Variants in PIBF1 observed in about 807,000 individuals in gnomAD.
PIBF1 encodes progesterone immunomodulatory binding factor 1, also known as progesterone-induced-blocking factor 1.
Under a neutral mutation model 112.5 loss-of-function variants are expected in PIBF1, and 90 were observed. The ratio of observed to expected loss-of-function variants is 0.80; its 90% CI spans 0.67 to 0.95. PIBF1 has a LOEUF of 0.95. Ranked by LOEUF, PIBF1 falls within the 40% of genes least tolerant of loss-of-function variation. The pLI is 0.00. For missense variants in PIBF1, 915 were observed against 852.3 expected, an observed-to-expected ratio of 1.07 and a Z score of -0.92; for synonymous variants, 301 against 288.6, an observed-to-expected ratio of 1.04 and a Z score of -0.44.
chr13:72,946,838 C>T (rs1424352725), intron 14 of PIBF1, among the ~76,000 whole-genome samples: 2 of 152,232 alleles, frequency 1.3e-5, no homozygotes, highest in Non-Finnish European at 1.5e-5. Context: ...GGCAGCTCTG[C>T]CCTTGTGGCT....
intron 15 of PIBF1, among the ~76,000 whole-genome samples, chr13:72,971,765 C>T (rs2042897983): frequency 6.6e-6 from 1 of 151,986 alleles, no homozygotes; most frequent in Non-Finnish European, 1.5e-5. Context: ...TGCTTTACAG[C>T]ACACATTTGA....
chr13:72,928,770 A>G (rs1194023941), intron 13 of PIBF1, among the ~76,000 whole-genome samples: 1 of 152,176 alleles, frequency 6.6e-6, no homozygotes, highest in Non-Finnish European at 1.5e-5. Context: ...TTTATGACTT[A>G]TGATATTTTT....
intron 3 of PIBF1, among the ~76,000 whole-genome samples, chr13:72,793,214 A>T (rs1023247599): frequency 6.6e-6 from 1 of 152,224 alleles, no homozygotes; most frequent in Non-Finnish European, 1.5e-5. Context: ...ATACCTCTGT[A>T]TTCAAAATAT....
intron 17 of PIBF1, among the ~76,000 whole-genome samples, chr13:73,003,202 A>T (rs1403786743): frequency 6.6e-6 from 1 of 152,028 alleles, no homozygotes; most frequent in Admixed American, 6.6e-5. Context: ...TATGAACGAC[A>T]TGATTCCCTA....
At chr13:72,970,741 G>C (rs369633657) in intron 15 of PIBF1, 1 of 152,076 alleles carries the variant, frequency 6.6e-6, no homozygotes, top group South Asian at 2.1e-4. Flanking sequence ...TATGTCTTAT[G>C]AAGACTAAAA....
chr13:72,924,215 G>A (rs2041401539), intron 13 of PIBF1, among the ~76,000 whole-genome samples: 1 of 152,130 alleles, frequency 6.6e-6, no homozygotes, highest in Non-Finnish European at 1.5e-5. Context: ...TAGAAGTGGT[G>A]AATTGGTATC....
At chr13:72,870,426 G>T (rs560112946) in intron 10 of PIBF1, among the ~76,000 whole-genome samples, 1 of 152,136 alleles carries the variant, frequency 6.6e-6, no homozygotes, top group Non-Finnish European at 1.5e-5. Flanking sequence ...AAATATGTAC[G>T]TGTGCTCAGA....
rs574556802 is a variant in PIBF1 at position 72,989,842 on chromosome 13, G to A, written c.2050-8980G>A. Among the ~76,000 whole-genome samples the A allele has an allele frequency of 5.3e-5, 8 of 152,194 alleles. No individual in the cohort carries two copies. The East Asian group carries it at 5.8e-4, about 11-fold the overall frequency. Reference sequence around the variant, plus strand: ...ACAAAATGTTGATAATTGAAGTTGCGCAGTGGAAAGTGGGGACTCAGTATT... The same window carrying A: ...ACAAAATGTTGATAATTGAAGTTGCACAGTGGAAAGTGGGGACTCAGTATT... On this transcript the variant is annotated intron_variant, in intron 16 of 17. Coordinates refer to ENST00000326291, the MANE Select transcript of PIBF1 (RefSeq NM_006346.4).
chr13:72,926,871 G>A (rs1324090082), intron 13 of PIBF1, among the ~76,000 whole-genome samples: 2 of 152,074 alleles, frequency 1.3e-5, no homozygotes, highest in Non-Finnish European at 2.9e-5. Flanking sequence ...GTCTTCCTCA[G>A]TAGACTATTA....
At chr13:72,909,112 T>C (rs997091645) in intron 12 of PIBF1, among the ~76,000 whole-genome samples, 5 of 152,210 alleles carry the variant, frequency 3.3e-5, no homozygotes. Flanking sequence ...TTGGTGACTA[T>C]TTCTAAATAA....
intron 11 of PIBF1, among the ~76,000 whole-genome samples, chr13:72,898,706 G>A (rs9573056): frequency 0.27 from 40,955 of 149,904 alleles, 6,673 homozygotes; most frequent in East Asian, 0.47. Flanking sequence ...AAATAAAGCC[G>A]GGCATGTGGC....
chr13:72,922,741 A>G (rs189920747), intron 13 of PIBF1, among the ~76,000 whole-genome samples: 3 of 152,070 alleles, frequency 2.0e-5, no homozygotes, highest in Non-Finnish European at 1.5e-5. Flanking sequence ...CTTTATTCTC[A>G]TATATATGAG....
chr13:72,936,104 T>G (rs1197088874), intron 14 of PIBF1, among the ~76,000 whole-genome samples: 1 of 152,068 alleles, frequency 6.6e-6, no homozygotes. Context: ...CATAGCTCAT[T>G]GCAGCCTCGA....
intron 10 of PIBF1, among the ~76,000 whole-genome samples, chr13:72,865,598 T>C (rs1020488274): frequency 3.3e-5 from 5 of 152,212 alleles, no homozygotes; most frequent in African/African-American, 1.2e-4. Context: ...CATAAAAATT[T>C]AGTTTGAAAA....
intron 16 of PIBF1, among the ~76,000 whole-genome samples, chr13:72,990,520 C>CAAATAAATTAAT (rs1204552369): frequency 7.4e-6 from 1 of 135,872 alleles, no homozygotes. Context: ...GACTCCATCT[C>CAAATAAATTAAT]TCCATCTCAA....
chr13:72,953,831 G>A (rs1269857251), intron 14 of PIBF1, among the ~76,000 whole-genome samples: 1 of 152,134 alleles, frequency 6.6e-6, no homozygotes, highest in Non-Finnish European at 1.5e-5. Flanking sequence ...TGGTAGTAGT[G>A]GAATTTGTGC....
chr13:72,965,144 A>G (rs2042706407), intron 14 of PIBF1, 130 bp from the exon 15 acceptor site: 1 of 768,598 alleles, frequency 1.3e-6, no homozygotes, highest in African/African-American at 1.8e-5. Context: ...CTTCAAATTT[A>G]CACAGGAAAA....
At chr13:72,933,666 A>G (rs2041778634) in intron 14 of PIBF1, among the ~76,000 whole-genome samples, 2 of 152,190 alleles carry the variant, frequency 1.3e-5, no homozygotes, top group Non-Finnish European at 2.9e-5. Flanking sequence ...TAGTCTCAAA[A>G]ATAAAAAGAA....
intron 10 of PIBF1, among the ~76,000 whole-genome samples, chr13:72,880,739 C>T (rs1046328362): frequency 6.6e-6 from 1 of 152,144 alleles, no homozygotes; most frequent in Middle Eastern, 3.2e-3. Context: ...ACTTCAATCT[C>T]ATGAAGCTTC....
Sources: gnomAD v4.1 joint callset for allele counts (sites outside exome capture counted in the v4.1 genomes callset) on GRCh38, gnomAD v4.1.1 for gene constraint, MANE v1.5 for transcripts, NCBI Gene and HGNC (gene_info 2026-07-23, HGNC 2026-07-21) for gene names.